Variants in MAP7 observed in about 807,000 individuals in gnomAD.
MAP7 encodes the protein ensconsin.
A neutral mutation model predicts 94.8 loss-of-function variants in MAP7; 52 were observed. The ratio of observed to expected loss-of-function variants is 0.55; its 90% confidence interval spans 0.44 to 0.69. The LOEUF (loss-of-function observed/expected upper bound fraction) is 0.69. MAP7 is among the 30% of genes least tolerant of loss of function. The probability of loss-of-function intolerance (pLI) is 0.00; values close to 1 mark genes in which losing one functional copy is unlikely to be tolerated. For synonymous variants in MAP7, 350 were observed against 357.0 expected (o/e 0.98, Z 0.22); for missense variants, 940 against 964.6 (o/e 0.97, Z 0.34).
chr6:136,356,864 C>G, intron 15 of MAP7, 70 bp from the exon 16 acceptor site: 1 of 1,233,862 alleles, frequency 8.1e-7, no homozygotes, highest in Non-Finnish European at 1.2e-6. Flanking sequence ...CTCCAAGAGC[C>G]AGAATGCCTT....
chr6:136,413,951 T>C (rs915590563), intron 2 of MAP7, among the ~76,000 whole-genome samples: 1 of 151,852 alleles, frequency 6.6e-6, no homozygotes. Context: ...GGATGGTTCT[T>C]AAAAATTGGT....
Position 136,522,050 on chromosome 6 carries a change from T to C in MAP7, c.67+28292A>G, listed in dbSNP as rs139361688. 5.9e-5 allele frequency among the ~76,000 whole-genome samples: 9 copies of C among 152,354 alleles called. No individual in the cohort carries two copies. In the East Asian group the frequency reaches 1.5e-3, roughly 26 times the overall value. On this transcript the variant is annotated intron_variant, in intron 1 of 17. Transcript: ENST00000354570. ...CACAGAGTGAGCATTTAACAAATGC[T>C]GGTTTAGGAGGAAAATGCCTTATTA... is the stretch of plus-strand genomic sequence containing the variant.
At chr6:136,532,678 G>A (rs1339303859) in intron 1 of MAP7, among the ~76,000 whole-genome samples, 1 of 150,960 alleles carries the variant, frequency 6.6e-6, no homozygotes. Flanking sequence ...TCCATGACTT[G>A]ATGCAAATGG....
intron 1 of MAP7, among the ~76,000 whole-genome samples, chr6:136,460,925 A>G (rs929324173): frequency 1.3e-5 from 2 of 152,164 alleles, no homozygotes; most frequent in African/African-American, 4.8e-5. Context: ...CCTAAGGTAT[A>G]TGGACCTCTT....
chr6:136,530,633 CACTT>C (rs1457531292), intron 1 of MAP7, among the ~76,000 whole-genome samples: 1 of 125,220 alleles, frequency 8.0e-6, no homozygotes, highest in East Asian at 2.4e-4. Flanking sequence ...AGAATTATGC[CACTT>C]ACTGATGGCT....
chr6:136,365,974 G>A lies in MAP7; in HGVS notation c.1034C>T (p.Pro345Leu), dbSNP rs1374226394. The change falls in exon 10 of 18, where the codon CCG (proline) becomes CTG (leucine). Residue 345 changes from proline (P) to leucine (L), a missense_variant. Coordinates refer to ENST00000354570, the MANE Select transcript of MAP7 (RefSeq NM_003980.6). ...TGAGCCGGGTGGCAAGGAGGATGTC[G>A]GTCTGGGTGTGCCAGGCAAATGAGG... Reference protein sequence around the residue: ...SLPHLPGTPRPTSSLPPGSVK... With the variant: ...SLPHLPGTPRLTSSLPPGSVK... 15 of 1,613,114 alleles carry A rather than the reference G, an allele frequency of 9.3e-6. No homozygotes were observed. Among genetic ancestry groups the A allele is most frequent in the African/African-American group, 2.7e-5 (2 of 74,888 alleles).
chr6:136,468,788 G>A (rs565743864), intron 1 of MAP7, among the ~76,000 whole-genome samples: 18 of 152,276 alleles, frequency 1.2e-4, no homozygotes, highest in African/African-American at 4.3e-4. Flanking sequence ...GGACCTGGCT[G>A]CACTATGTTC....
intron 3 of MAP7, among the ~76,000 whole-genome samples, chr6:136,397,762 C>A (rs1455518277): frequency 6.6e-6 from 1 of 152,134 alleles, no homozygotes; most frequent in Non-Finnish European, 1.5e-5. Flanking sequence ...GTTGTTTAAG[C>A]TACCCAGTCT....
intron 1 of MAP7, among the ~76,000 whole-genome samples, chr6:136,465,364 CT>C (rs1478268471): frequency 6.6e-6 from 1 of 152,168 alleles, no homozygotes. Flanking sequence ...TCTATTTCAT[CT>C]GATAGAAGCA....
intron 1 of MAP7, among the ~76,000 whole-genome samples, chr6:136,504,711 C>T (rs997735930): frequency 2.0e-5 from 3 of 152,042 alleles, no homozygotes; most frequent in African/African-American, 4.8e-5. Flanking sequence ...GACATAGTCT[C>T]GCTCTGTTGC....
intron 2 of MAP7, among the ~76,000 whole-genome samples, chr6:136,417,769 A>C (rs114215315): frequency 3.7e-4 from 56 of 152,294 alleles, no homozygotes; most frequent in African/African-American, 1.3e-3. Flanking sequence ...CAGTCATTAC[A>C]ATTGCACCGT....
At chr6:136,450,934 C>A (rs1800924050) in intron 1 of MAP7, among the ~76,000 whole-genome samples, 1 of 152,134 alleles carries the variant, frequency 6.6e-6, no homozygotes, top group Non-Finnish European at 1.5e-5. Context: ...AAAATTTGTA[C>A]CCCAAATATG....
At chr6:136,478,647 G>T (rs1043070965) in intron 1 of MAP7, among the ~76,000 whole-genome samples, 1 of 151,860 alleles carries the variant, frequency 6.6e-6, no homozygotes, top group African/African-American at 2.4e-5. Context: ...AAATTCAAAG[G>T]ATCATTAGAG....
chr6:136,453,027 A>AGGTG (rs1801672222), intron 1 of MAP7, among the ~76,000 whole-genome samples: 3 of 152,106 alleles, frequency 2.0e-5, no homozygotes, highest in Admixed American at 1.3e-4. Flanking sequence ...AAGTATCTAC[A>AGGTG]AGGTATGCCT....
intron 1 of MAP7, among the ~76,000 whole-genome samples, chr6:136,534,929 A>C (rs1162640877): frequency 6.6e-6 from 1 of 152,174 alleles, no homozygotes; most frequent in African/African-American, 2.4e-5. Flanking sequence ...TAAAGTACAT[A>C]GATCCGTACA....
Position 136,496,953 on chromosome 6 carries a change from C to CA in MAP7, c.67+53388dup, listed in dbSNP as rs571329419. Among the ~76,000 whole-genome samples, 786 of 143,660 alleles carry CA rather than the reference C, an allele frequency of 5.5e-3. 4 individuals carry two copies. Among genetic ancestry groups the CA allele is most frequent in the African/African-American group, 0.016 (610 of 39,146 alleles). 94.2% of individuals were successfully genotyped at this position (143,660 alleles called of 152,430 possible). On this transcript the variant is annotated intron_variant, in intron 1 of 17. Coordinates refer to ENST00000354570, the MANE Select transcript of MAP7 (RefSeq NM_003980.6). ...TGGGCAACAGGGCGAGACTCCATCTCAAAAAAAAAAATAAATGAATAAAAT... is the reference window on the plus strand; with the variant it reads ...TGGGCAACAGGGCGAGACTCCATCTCAAAAAAAAAAAATAAATGAATAAAAT...
chr6:136,417,945 T>C (rs931329730), intron 2 of MAP7, among the ~76,000 whole-genome samples: 2 of 152,192 alleles, frequency 1.3e-5, no homozygotes, highest in African/African-American at 2.4e-5. Context: ...TGAATTTGGG[T>C]ATCTGCTTTT....
chr6:136,407,452 A>G (rs1042976217), intron 3 of MAP7, among the ~76,000 whole-genome samples: 2 of 152,236 alleles, frequency 1.3e-5, no homozygotes, highest in African/African-American at 2.4e-5. Context: ...AAGGACTGGC[A>G]CTAATTGTGA....
chr6:136,415,764 G>T (rs1367316172), intron 2 of MAP7, among the ~76,000 whole-genome samples: 1 of 152,168 alleles, frequency 6.6e-6, no homozygotes, highest in Non-Finnish European at 1.5e-5. Flanking sequence ...TAAAAATAAG[G>T]CTGTAAATAA....
Sources: gnomAD v4.1 joint callset for allele counts (sites outside exome capture counted in the v4.1 genomes callset) on GRCh38, gnomAD v4.1.1 for gene constraint, MANE v1.5 for transcripts, NCBI Gene and HGNC (gene_info 2026-07-23, HGNC 2026-07-21) for gene names.